Variants in DIAPH3 observed in about 807,000 individuals in gnomAD.
DIAPH3 encodes the protein diaphanous related formin 3, also known as protein diaphanous homolog 3.
DIAPH3 carries 117 observed loss-of-function variants against 144.3 expected under a neutral mutation model. The ratio of observed to expected loss-of-function variants is 0.81; its 90% confidence interval spans 0.70 to 0.95. The LOEUF is 0.95. Among genes scored for constraint, DIAPH3 ranks in the 40% least tolerant of loss-of-function variants. The pLI, the probability that DIAPH3 is intolerant of heterozygous loss-of-function variation, is 0.00. For synonymous variants in DIAPH3, 519 were observed against 488.9 expected (o/e 1.06, Z -0.81); for missense variants, 1,421 against 1,412.7 (o/e 1.01, Z -0.09).
chr13:59,767,845 C>G (rs566177128), intron 27 of DIAPH3, among the ~76,000 whole-genome samples: 1 of 152,218 alleles, frequency 6.6e-6, no homozygotes, highest in East Asian at 1.9e-4. Context: ...CATAAATGTC[C>G]TTTTAAAACA....
At chr13:60,151,538 C>T (rs1003839970) in intron 1 of DIAPH3, among the ~76,000 whole-genome samples, 4 of 152,122 alleles carry the variant, frequency 2.6e-5, no homozygotes, top group Non-Finnish European at 5.9e-5. Context: ...TTATTAATAA[C>T]ATTTAAACAA....
chr13:59,991,975 A>G (rs985979809), intron 11 of DIAPH3, 93 bp downstream of exon 11: 21 of 970,742 alleles, frequency 2.2e-5, no homozygotes, highest in Middle Eastern at 2.2e-4. Context: ...CATGTTGTTT[A>G]TATAGAAATG....
At chr13:59,676,423 C>T (rs983930940) in intron 27 of DIAPH3, among the ~76,000 whole-genome samples, 3 of 152,190 alleles carry the variant, frequency 2.0e-5, no homozygotes, top group Admixed American at 6.5e-5. Flanking sequence ...CTTCCACCCA[C>T]CAGCCCTTCA....
At chr13:59,933,442 C>CA (rs2048117271) in intron 17 of DIAPH3, among the ~76,000 whole-genome samples, 2 of 152,330 alleles carry the variant, frequency 1.3e-5, no homozygotes. Flanking sequence ...AAGAGTAAAG[C>CA]ACACTTCAGG....
intron 4 of DIAPH3, among the ~76,000 whole-genome samples, chr13:60,076,334 C>T (rs551257283): frequency 1.3e-5 from 2 of 152,214 alleles, no homozygotes; most frequent in South Asian, 4.2e-4. Context: ...CCGAAGAAAC[C>T]CCCTCTGTCG....
chr13:60,085,127 G>A (rs1182222837), intron 4 of DIAPH3, among the ~76,000 whole-genome samples: 1 of 152,028 alleles, frequency 6.6e-6, no homozygotes, highest in South Asian at 2.1e-4. Context: ...ACTAATATCT[G>A]TTCTATTGGG....
At chr13:60,065,253 TAAAAAA>T (rs11344639) in intron 4 of DIAPH3, among the ~76,000 whole-genome samples, 2 of 88,312 alleles carry the variant, frequency 2.3e-5, no homozygotes, top group East Asian at 3.2e-4. Flanking sequence ...TTTAATTTAT[TAAAAAA>T]AAAAAAAAAA....
intron 15 of DIAPH3, among the ~76,000 whole-genome samples, chr13:59,972,393 T>C (rs2050436916): frequency 6.6e-6 from 1 of 152,232 alleles, no homozygotes; most frequent in Admixed American, 6.5e-5. Context: ...TAAATAACTT[T>C]TGTAATATGA....
intron 27 of DIAPH3, among the ~76,000 whole-genome samples, chr13:59,720,176 G>A (rs1206929401): frequency 2.0e-5 from 3 of 152,056 alleles, no homozygotes; most frequent in African/African-American, 7.2e-5. Context: ...CACAGAAAAG[G>A]TATAGTAAAA....
intron 4 of DIAPH3, among the ~76,000 whole-genome samples, chr13:60,080,299 A>G (rs2096306344): frequency 1.3e-5 from 2 of 151,888 alleles, no homozygotes; most frequent in Non-Finnish European, 2.9e-5. Context: ...TACTCTATAT[A>G]TAATAAAGCC....
intron 22 of DIAPH3, among the ~76,000 whole-genome samples, chr13:59,853,044 G>C (rs1810931314): frequency 6.6e-6 from 1 of 152,088 alleles, no homozygotes; most frequent in South Asian, 2.1e-4. Flanking sequence ...TCTGGGTTAA[G>C]TACTAATATT....
At chr13:59,833,914 T>C (rs1208463417) in intron 23 of DIAPH3, among the ~76,000 whole-genome samples, 1 of 31,720 alleles carries the variant, frequency 3.2e-5, no homozygotes, top group Non-Finnish European at 8.1e-5. Flanking sequence ...ACTTTAAGGT[T>C]CTAAAAGCAA....
chr13:59,898,637 G>C (rs1168216276), intron 20 of DIAPH3, among the ~76,000 whole-genome samples: 1 of 152,082 alleles, frequency 6.6e-6, no homozygotes, highest in Non-Finnish European at 1.5e-5. Flanking sequence ...GAGGCATTAG[G>C]AATTCACAAG....
At chr13:59,764,699 G>A (rs919273167) in intron 27 of DIAPH3, among the ~76,000 whole-genome samples, 2 of 151,262 alleles carry the variant, frequency 1.3e-5, no homozygotes, top group Admixed American at 6.6e-5. Flanking sequence ...GACATACACT[G>A]GAGTGATGCA....
chr13:59,980,987 G>A (rs2050969431), intron 13 of DIAPH3, 128 bp from the exon 14 acceptor site: 8 of 693,914 alleles, frequency 1.2e-5, no homozygotes, highest in South Asian at 3.8e-5. Flanking sequence ...TAAACAAAAT[G>A]GAAAAAATAT....
At chr13:60,026,221 C>T (rs1029869734) in intron 5 of DIAPH3, among the ~76,000 whole-genome samples, 2 of 151,850 alleles carry the variant, frequency 1.3e-5, no homozygotes, top group African/African-American at 4.8e-5. Flanking sequence ...GACAGTTGTA[C>T]CTACTATTGT....
chr13:59,815,372 T>A (rs2040713031), intron 24 of DIAPH3, among the ~76,000 whole-genome samples: 1 of 152,218 alleles, frequency 6.6e-6, no homozygotes, highest in Non-Finnish European at 1.5e-5. Flanking sequence ...AATAGACTTG[T>A]TAAGTTTCAT....
intron 17 of DIAPH3, among the ~76,000 whole-genome samples, chr13:59,933,245 C>T (rs1455042566): frequency 6.6e-6 from 1 of 152,194 alleles, no homozygotes; most frequent in African/African-American, 2.4e-5. Flanking sequence ...GGTTCTACAT[C>T]CCAGCCTGCC....
At position 59,819,104 on chromosome 13, in the gene DIAPH3, T is replaced by G. The variant is rs185712727; in HGVS notation, c.3028-8181A>C. Among the ~76,000 whole-genome samples the G allele has an allele frequency of 1.3e-3, 204 of 152,044 alleles. 1 individual carries two copies. Among genetic ancestry groups the G allele is most frequent in the African/African-American group, 4.7e-3 (196 of 41,562 alleles). ...TGTTCTTACTTAATTGAACTTAATTTGTGAGAATCTTGAGGACCTAAATTG... is the reference window on the plus strand; with the variant it reads ...TGTTCTTACTTAATTGAACTTAATTGGTGAGAATCTTGAGGACCTAAATTG... On this transcript the variant is annotated intron_variant, in intron 24 of 27. Transcript: ENST00000400324.
Sources: allele counts gnomAD v4.1 joint callset (sites outside exome capture counted in the v4.1 genomes callset), GRCh38; gene constraint gnomAD v4.1.1; transcripts MANE v1.5; gene names NCBI Gene and HGNC (gene_info 2026-07-23, HGNC 2026-07-21).